HMGB1: variants seen among roughly 807,000 people sequenced by gnomAD.
HMGB1 encodes the protein high mobility group protein B1.
For missense variants in HMGB1, 79 were observed against 253.5 expected, an observed-to-expected ratio of 0.31 and a Z score of 4.67; for synonymous variants, 81 against 84.0, an observed-to-expected ratio of 0.96 and a Z score of 0.19.
intron 1 of HMGB1, among the ~76,000 whole-genome samples, chr13:30,591,969 T>C (rs1294241061): frequency 6.6e-6 from 1 of 152,196 alleles, no homozygotes; most frequent in South Asian, 2.1e-4. Context: ...TTATATTATA[T>C]ACTATAGTTA....
At chr13:30,537,652 C>CATAT (rs58424009) in intron 1 of HMGB1, among the ~76,000 whole-genome samples, 729 of 67,740 alleles carry the variant, frequency 0.011, 28 homozygotes, top group Non-Finnish European at 0.016. Context: ...CATTCTTGTT[C>CATAT]ATATATATAT....
chr13:30,557,955 G>T (rs1869759674), intron 1 of HMGB1, among the ~76,000 whole-genome samples: 1 of 152,182 alleles, frequency 6.6e-6, no homozygotes, highest in Non-Finnish European at 1.5e-5. Flanking sequence ...TGAGGTTCCT[G>T]TGCTTGGCTC....
upstream of HMGB1, among the ~76,000 whole-genome samples, chr13:30,470,837 C>T (rs756965017): frequency 1.3e-5 from 2 of 151,812 alleles, no homozygotes; most frequent in Non-Finnish European, 2.9e-5. Flanking sequence ...TTAGTAGAGA[C>T]GGGGTTTCAC....
chr13:30,492,038 T>C (rs972567749), intron 1 of HMGB1, among the ~76,000 whole-genome samples: 5 of 151,894 alleles, frequency 3.3e-5, no homozygotes, highest in African/African-American at 7.3e-5. Flanking sequence ...CGTGGTAGTA[T>C]GCACCTGTAG....
At chr13:30,465,544 G>C (rs1028952467) in intron 1 of HMGB1, among the ~76,000 whole-genome samples, 5 of 151,096 alleles carry the variant, frequency 3.3e-5, no homozygotes. Context: ...GGACGCCGCC[G>C]GGGGTGGAAA....
intron 1 of HMGB1, among the ~76,000 whole-genome samples, chr13:30,609,058 A>G (rs376437369): frequency 4.9e-4 from 75 of 152,322 alleles, no homozygotes; most frequent in South Asian, 2.3e-3. Flanking sequence ...TCAGGAGATC[A>G]AGACCATCCT....
chr13:30,469,929 C>T (rs564547775), upstream of HMGB1, among the ~76,000 whole-genome samples: 10 of 152,258 alleles, frequency 6.6e-5, no homozygotes, highest in African/African-American at 2.4e-4. Context: ...GTGCCCAGCC[C>T]CAGCTAATTT....
chr13:30,512,185 A>G (rs1471699847), intron 1 of HMGB1, among the ~76,000 whole-genome samples: 1 of 152,166 alleles, frequency 6.6e-6, no homozygotes, highest in Non-Finnish European at 1.5e-5. Context: ...GAGTAAATCA[A>G]AAGGATGCCT....
intron 1 of HMGB1, among the ~76,000 whole-genome samples, chr13:30,577,872 C>T (rs1488763561): frequency 6.6e-6 from 1 of 152,220 alleles, no homozygotes; most frequent in Non-Finnish European, 1.5e-5. Context: ...CCACATCATC[C>T]TCATGTTTTA....
At chr13:30,509,246 C>CTTTTTTTTTTTTTTT (rs577983392) in intron 1 of HMGB1, among the ~76,000 whole-genome samples, 7 of 142,996 alleles carry the variant, frequency 4.9e-5, no homozygotes, top group African/African-American at 1.1e-4. Context: ...CACCAATATT[C>CTTTTTTTTTTTTTTT]TTTTTTTTTT....
chr13:30,576,312 G>C (rs904819332), intron 1 of HMGB1, among the ~76,000 whole-genome samples: 1 of 152,032 alleles, frequency 6.6e-6, no homozygotes, highest in Non-Finnish European at 1.5e-5. Flanking sequence ...AAATCCCAAG[G>C]CTTTGCAGGG....
At chr13:30,470,989 A>G (rs1886910426) in intron 1 of HMGB1, among the ~76,000 whole-genome samples, 1 of 149,714 alleles carries the variant, frequency 6.7e-6, no homozygotes, top group African/African-American at 2.5e-5. Context: ...TTAATTAATT[A>G]ATTTTTTGAG....
intron 1 of HMGB1, among the ~76,000 whole-genome samples, chr13:30,498,811 C>G (rs1479233072): frequency 6.6e-6 from 1 of 151,728 alleles, no homozygotes; most frequent in Non-Finnish European, 1.5e-5. Flanking sequence ...CTATACCCGG[C>G]TAATTTCTGT....
intron 1 of HMGB1, among the ~76,000 whole-genome samples, chr13:30,519,625 A>G (rs571717350): frequency 9.2e-5 from 14 of 151,876 alleles, no homozygotes; most frequent in South Asian, 4.2e-4. Context: ...GCGTGAACCC[A>G]GGAGACGGAG....
intron 1 of HMGB1, among the ~76,000 whole-genome samples, chr13:30,517,207 A>C (rs1888120934): frequency 6.6e-6 from 1 of 152,186 alleles, no homozygotes; most frequent in Admixed American, 6.5e-5. Context: ...AGAATTTCTG[A>C]TCCAATGGTC....
intron 1 of HMGB1, among the ~76,000 whole-genome samples, chr13:30,564,821 A>G (rs917008689): frequency 6.6e-6 from 1 of 152,242 alleles, no homozygotes; most frequent in Non-Finnish European, 1.5e-5. Context: ...GAGAAGTTGA[A>G]TGTCTAAGAA....
At chr13:30,524,611 A>T (rs1888321596) in intron 1 of HMGB1, among the ~76,000 whole-genome samples, 1 of 152,114 alleles carries the variant, frequency 6.6e-6, no homozygotes, top group Non-Finnish European at 1.5e-5. Context: ...TGAACCCAGG[A>T]GGCAGAGGTT....
chr13:30,565,800 T>C (rs1201476377), intron 1 of HMGB1, among the ~76,000 whole-genome samples: 1 of 152,204 alleles, frequency 6.6e-6, no homozygotes, highest in Non-Finnish European at 1.5e-5. Flanking sequence ...ATGGGAGGGA[T>C]GAGCTGAAAA....
chr13:30,563,026 AT>A (rs1429402784), intron 1 of HMGB1, among the ~76,000 whole-genome samples: 2 of 152,228 alleles, frequency 1.3e-5, no homozygotes, highest in Non-Finnish European at 2.9e-5. Flanking sequence ...GGTAAAAAAA[AT>A]GTCAGCCTCC....
Sources: allele counts gnomAD v4.1 joint callset (sites outside exome capture counted in the v4.1 genomes callset), GRCh38; gene constraint gnomAD v4.1.1; transcripts MANE v1.5; gene names NCBI Gene and HGNC (gene_info 2026-07-23, HGNC 2026-07-21).